SP100: variants seen among roughly 807,000 people sequenced by gnomAD.
SP100 encodes the protein nuclear autoantigen Sp-100.
SP100 carries 84 observed loss-of-function variants against 130.0 expected under a neutral mutation model. That is an observed-to-expected ratio of 0.65 (90% confidence interval 0.54 to 0.77). SP100 has a LOEUF of 0.77. SP100 is among the 30% of genes least tolerant of loss of function. SP100 has a pLI of 0.00. For synonymous variants in SP100, 331 were observed against 351.7 expected (o/e 0.94, Z 0.66); for missense variants, 978 against 1,052.2 (o/e 0.93, Z 0.97).
intron 21 of SP100, among the ~76,000 whole-genome samples, chr2:230,506,047 G>A (rs534547981): frequency 7.3e-4 from 111 of 152,044 alleles, no homozygotes; most frequent in African/African-American, 5.3e-4. Flanking sequence ...AGCAAAATAC[G>A]TTGAAAAGGT....
intron 2 of SP100, among the ~76,000 whole-genome samples, chr2:230,422,274 G>T (rs140582230): frequency 1.3e-5 from 2 of 151,984 alleles, no homozygotes; most frequent in African/African-American, 4.8e-5. Context: ...TTAAGTGTTA[G>T]TTCCTTCCAG....
At chr2:230,436,861 C>CACACAT (rs1343661380) in intron 2 of SP100, among the ~76,000 whole-genome samples, 16 of 152,206 alleles carry the variant, frequency 1.1e-4, no homozygotes, top group African/African-American at 3.9e-4. Flanking sequence ...TATGTGAACA[C>CACACAT]ATATGTATAT....
intron 2 of SP100, among the ~76,000 whole-genome samples, chr2:230,435,145 T>G (rs895097760): frequency 2.6e-5 from 4 of 152,220 alleles, no homozygotes; most frequent in African/African-American, 9.6e-5. Context: ...TAAGTGTCTG[T>G]TTTTCTGAAT....
chr2:230,438,612 T>G, intron 2 of SP100, among the ~76,000 whole-genome samples: 1 of 149,856 alleles, frequency 6.7e-6, no homozygotes, highest in East Asian at 1.9e-4. Flanking sequence ...TTGCATTCCT[T>G]TTTATGGCTG....
In SP100 at chr2:230,541,957, T is replaced by A. The variant is rs371849237; in HGVS notation, c.2469T>A (p.Asn823Lys). ...MWLNKVKTSL[N>K]EQMYTRVEGF... The stretch of plus-strand genomic sequence containing the variant: ...TAAACAAAGTCAAGACAAGTTTGAA[T>A]GAGCAGATGTACACCCGAGTAGAAG... Residue 823 changes from asparagine to lysine, a missense_variant, in exon 28 of 29, where the codon AAT (asparagine) becomes AAA (lysine). Physicochemically the swap from Asn to Lys is moderately conservative, Grantham distance 94. Transcript: ENST00000340126. The A allele has an allele frequency of 2.5e-6, 4 of 1,614,014 alleles. No individual in the cohort carries two copies. The highest frequency in any genetic ancestry group is 3.4e-6 in the Non-Finnish European group (4 of 1,179,964).
intron 11 of SP100, 79 bp from the exon 12 acceptor site, chr2:230,466,222 C>T: frequency 1.5e-6 from 1 of 684,042 alleles, no homozygotes; most frequent in Non-Finnish European, 2.5e-6. Context: ...TTAACCCAAG[C>T]CCATTTGCCA....
At chr2:230,445,915 C>T (rs1253303731) in intron 4 of SP100, among the ~76,000 whole-genome samples, 1 of 152,088 alleles carries the variant, frequency 6.6e-6, no homozygotes, top group Non-Finnish European at 1.5e-5. Flanking sequence ...ACCCACCGCC[C>T]CACCCAGCAC....
At chr2:230,540,243 A>C (rs1692117492) in intron 25 of SP100, among the ~76,000 whole-genome samples, 1 of 152,214 alleles carries the variant, frequency 6.6e-6, no homozygotes, top group Admixed American at 6.5e-5. Context: ...GGATGCTGGC[A>C]TCACTAGGAT....
At chr2:230,444,077 C>A (rs373266459) in intron 3 of SP100, 101 bp from the exon 4 acceptor site, 1 of 854,710 alleles carries the variant, frequency 1.2e-6, no homozygotes, top group Non-Finnish European at 1.8e-6. Context: ...AAAATACCTA[C>A]GTAGAGAAAT....
At chr2:230,471,675 G>A (rs899690285) in intron 15 of SP100, among the ~76,000 whole-genome samples, 1 of 151,864 alleles carries the variant, frequency 6.6e-6, no homozygotes. Flanking sequence ...GCACAGACTC[G>A]GGCTGCTTGC....
chr2:230,431,175 T>C (rs545665252), intron 2 of SP100, among the ~76,000 whole-genome samples: 3 of 152,344 alleles, frequency 2.0e-5, no homozygotes, highest in African/African-American at 4.8e-5. Flanking sequence ...AATCTCTGCA[T>C]TGGCCACTGT....
At chr2:230,540,770 A>C (rs758833463) in intron 25 of SP100, 106 bp from the exon 26 acceptor site, 4 of 1,411,098 alleles carry the variant, frequency 2.8e-6, no homozygotes, top group Non-Finnish European at 3.8e-6. Context: ...AGTTGGATAC[A>C]AGGTGGAAAC....
Position 230,446,909 on chromosome 2 carries a change from A to G in SP100, c.523+7A>G. 1 of 1,572,244 alleles carries G rather than the reference A, an allele frequency of 6.4e-7. No homozygotes were observed. Among genetic ancestry groups the G allele is most frequent in the African/African-American group, 1.4e-5 (1 of 73,772 alleles). On this transcript the variant is annotated splice_region_variant and intron_variant, in intron 5 of 28. Coordinates refer to ENST00000340126, the MANE Select transcript of SP100 (RefSeq NM_001080391.2). ...CAACTAAGTCTTGAACAAGGTAAAA[A>G]TGACAGAATAAAAGCTTTTTTCTAA...
At chr2:230,514,525 C>T (rs1279174659) in intron 24 of SP100, among the ~76,000 whole-genome samples, 1 of 152,150 alleles carries the variant, frequency 6.6e-6, no homozygotes, top group African/African-American at 2.4e-5. Context: ...CTAATAACAA[C>T]TATGCTATAA....
intron 21 of SP100, among the ~76,000 whole-genome samples, chr2:230,505,988 G>T (rs1214556227): frequency 6.6e-6 from 1 of 152,158 alleles, no homozygotes; most frequent in Non-Finnish European, 1.5e-5. Flanking sequence ...GAAGAATTCT[G>T]CTCATTCTTT....
chr2:230,491,851 C>A (rs766857414), intron 17 of SP100, among the ~76,000 whole-genome samples: 1 of 152,196 alleles, frequency 6.6e-6, no homozygotes, highest in Admixed American at 6.5e-5. Flanking sequence ...TAGGTTCTAG[C>A]CAATGGCATA....
At chr2:230,527,819 CA>C (rs1691501625) in intron 24 of SP100, among the ~76,000 whole-genome samples, 1 of 152,012 alleles carries the variant, frequency 6.6e-6, no homozygotes, top group Non-Finnish European at 1.5e-5. Context: ...AAACAAAGAT[CA>C]AAAGAGACAA....
intron 2 of SP100, among the ~76,000 whole-genome samples, chr2:230,432,342 T>C (rs1010569795): frequency 6.6e-6 from 1 of 152,222 alleles, no homozygotes; most frequent in African/African-American, 2.4e-5. Context: ...AATGCTGTCC[T>C]GGGTATTTGC....
chr2:230,475,851 G>A (rs1380912702), intron 17 of SP100, among the ~76,000 whole-genome samples: 2 of 152,080 alleles, frequency 1.3e-5, no homozygotes, highest in Non-Finnish European at 2.9e-5. Context: ...GGTTGTAAGT[G>A]AGCAGGTTTG....
Sources: allele counts gnomAD v4.1 joint callset (sites outside exome capture counted in the v4.1 genomes callset), GRCh38; gene constraint gnomAD v4.1.1; transcripts MANE v1.5; gene names NCBI Gene and HGNC (gene_info 2026-07-23, HGNC 2026-07-21).